SND1: variants seen among roughly 807,000 people sequenced by gnomAD.
The protein encoded by SND1 is staphylococcal nuclease domain-containing protein 1.
Under a neutral mutation model 121.7 loss-of-function variants are expected in SND1, and 38 were observed. The ratio of observed to expected loss-of-function variants is 0.31; its 90% CI spans 0.24 to 0.41. The LOEUF is 0.41. Ranked by LOEUF, SND1 falls within the 10% of genes least tolerant of loss-of-function variation. The pLI is 1.00. For missense variants in SND1, 868 were observed against 1,184.6 expected (o/e 0.73, Z 3.92); for synonymous variants, 401 against 447.4 (o/e 0.90, Z 1.31).
At chr7:127,910,029 A>T (rs1800421359) in intron 14 of SND1, among the ~76,000 whole-genome samples, 4 of 152,234 alleles carry the variant, frequency 2.6e-5, no homozygotes, top group African/African-American at 9.6e-5. Context: ...AAACTTTAAT[A>T]GCACTGTCAT....
intron 10 of SND1, among the ~76,000 whole-genome samples, chr7:127,797,691 A>C (rs1037102862): frequency 6.6e-6 from 1 of 152,210 alleles, no homozygotes; most frequent in African/African-American, 2.4e-5. Context: ...TGGTGGCCCA[A>C]CTTCTTGTGA....
intron 15 of SND1, among the ~76,000 whole-genome samples, chr7:127,970,234 A>G (rs564300231): frequency 3.3e-5 from 5 of 152,210 alleles, no homozygotes; most frequent in Non-Finnish European, 5.9e-5. Flanking sequence ...CAGGTAACCT[A>G]AGTAATATAA....
intron 15 of SND1, among the ~76,000 whole-genome samples, chr7:127,974,064 G>A (rs1802060496): frequency 6.6e-6 from 1 of 152,200 alleles, no homozygotes; most frequent in Admixed American, 6.5e-5. Context: ...AAGCTAGGTG[G>A]CTTCTTCACT....
intron 18 of SND1, chr7:128,082,073 C>A: frequency 2.2e-6 from 1 of 455,716 alleles, no homozygotes; most frequent in South Asian, 1.6e-5. Flanking sequence ...TCCTTCCGTC[C>A]TGAGTGGTGT....
chr7:127,693,472 C>A (rs1010633951), intron 2 of SND1, among the ~76,000 whole-genome samples: 2 of 152,156 alleles, frequency 1.3e-5, no homozygotes, highest in South Asian at 4.1e-4. Context: ...GTTTTTATGA[C>A]TACCAGCCCA....
chr7:127,715,755 TC>T (rs1368905497), intron 9 of SND1, among the ~76,000 whole-genome samples: 1 of 152,244 alleles, frequency 6.6e-6, no homozygotes, highest in African/African-American at 2.4e-5. Flanking sequence ...TGTTGCCTGT[TC>T]CTTTGGTGTC....
At chr7:128,071,158 G>T (rs948137877) in intron 16 of SND1, among the ~76,000 whole-genome samples, 15 of 152,204 alleles carry the variant, frequency 9.9e-5, no homozygotes, top group African/African-American at 3.6e-4. Context: ...TTATGGAGAA[G>T]ATACATGTGT....
intron 14 of SND1, among the ~76,000 whole-genome samples, chr7:127,918,159 A>G (rs898614117): frequency 2.0e-5 from 3 of 151,570 alleles, no homozygotes; most frequent in Non-Finnish European, 4.4e-5. Flanking sequence ...GCCTCCCACA[A>G]GTTCAAGTGA....
rs76364058 is a variant in SND1 at position 127,710,659 on chromosome 7, T to G, written c.1038+3012T>G. On this transcript the variant is annotated intron_variant, in intron 9 of 23. Coordinates refer to ENST00000354725, the MANE Select transcript of SND1 (RefSeq NM_014390.4). Reference sequence around the variant, plus strand: ...CTTACTAAAGAATGTACCAGTTCAATTTCACTCTTCCTTGAGGCAGTCACT... The same window carrying G: ...CTTACTAAAGAATGTACCAGTTCAAGTTCACTCTTCCTTGAGGCAGTCACT... Among the ~76,000 whole-genome samples the G allele has an allele frequency of 2.1e-3, 322 of 152,350 alleles. 11 individuals carry two copies. The East Asian group carries it at 0.046, about 22-fold the overall frequency.
chr7:127,843,606 C>T (rs1799004486), intron 11 of SND1, among the ~76,000 whole-genome samples: 1 of 152,122 alleles, frequency 6.6e-6, no homozygotes, highest in Non-Finnish European at 1.5e-5. Context: ...AATATTCTGT[C>T]ATCTGGATAT....
At chr7:127,699,075 C>T (rs1796057350) in intron 4 of SND1, 122 bp downstream of exon 4, 2 of 732,908 alleles carry the variant, frequency 2.7e-6, no homozygotes, top group Admixed American at 4.3e-5. Flanking sequence ...ACATTCTTGC[C>T]CAGGTATGGA....
In SND1 at chr7:128,092,211, G is replaced by T; in HGVS notation, c.*153G>T. The T allele has an allele frequency of 1.3e-6, 1 of 797,700 alleles. No individual in the cohort carries two copies. The highest frequency in any genetic ancestry group is 2.0e-6 in the Non-Finnish European group (1 of 502,112). 49.4% of individuals were successfully genotyped at this position (797,700 alleles called of 1,614,324 possible). ...AAATGTCTCGTGGGGTGGCATCGGG[G>T]CTGCGGGGTGGGGACCCCAAGGCTT... is the stretch of plus-strand genomic sequence containing the variant. On this transcript the variant is annotated 3_prime_UTR_variant, in exon 24 of 24. Coordinates refer to ENST00000354725, the MANE Select transcript of SND1 (RefSeq NM_014390.4). The surrounding 1 kb of genome is among the most constrained non-coding windows in gnomAD (Gnocchi z 4.9).
At chr7:127,721,242 G>A (rs1796490639) in intron 9 of SND1, 45 bp from the exon 10 acceptor site, 2 of 1,342,936 alleles carry the variant, frequency 1.5e-6, no homozygotes, top group Admixed American at 1.7e-5. Context: ...GACATGTGAT[G>A]GGGGCCATAG....
chr7:127,889,319 G>C (rs1799966919), intron 13 of SND1, among the ~76,000 whole-genome samples: 1 of 151,384 alleles, frequency 6.6e-6, no homozygotes, highest in African/African-American at 2.4e-5. Flanking sequence ...TGAGAAATGT[G>C]ATCATGATTT....
At chr7:127,870,811 A>G (rs1584631275) in intron 12 of SND1, among the ~76,000 whole-genome samples, 3 of 152,184 alleles carry the variant, frequency 2.0e-5, no homozygotes, top group Admixed American at 2.0e-4. Flanking sequence ...TTGATTTCAA[A>G]AAGTTTTCAT....
intron 1 of SND1, among the ~76,000 whole-genome samples, chr7:127,668,019 A>G: frequency 6.6e-6 from 1 of 152,362 alleles, no homozygotes; most frequent in African/African-American, 2.4e-5. Flanking sequence ...TGACTCAGTT[A>G]AATGCCATCA....
chr7:127,986,118 C>G (rs1240780264), intron 15 of SND1, among the ~76,000 whole-genome samples: 1 of 152,038 alleles, frequency 6.6e-6, no homozygotes, highest in Non-Finnish European at 1.5e-5. Context: ...TCATAAAACT[C>G]GAAAAAGAGT....
At chr7:128,072,732 C>T (rs1793433586) in intron 16 of SND1, among the ~76,000 whole-genome samples, 1 of 152,142 alleles carries the variant, frequency 6.6e-6, no homozygotes, top group African/African-American at 2.4e-5. Context: ...TGGCCTCCCA[C>T]TGGAGGAGGC....
chr7:127,731,788 A>G (rs1796680632), intron 10 of SND1, among the ~76,000 whole-genome samples: 1 of 152,226 alleles, frequency 6.6e-6, no homozygotes, highest in African/African-American at 2.4e-5. Flanking sequence ...TCTAGCAGGT[A>G]GAGAACCGTC....
Sources: allele counts gnomAD v4.1 joint callset (sites outside exome capture counted in the v4.1 genomes callset), GRCh38; gene constraint gnomAD v4.1.1; non-coding constraint Gnocchi (gnomAD v3.1); transcripts MANE v1.5; gene names NCBI Gene and HGNC (gene_info 2026-07-23, HGNC 2026-07-21).